CLSTN2: variants seen among roughly 807,000 people sequenced by gnomAD.
The protein encoded by CLSTN2 is calsyntenin-2.
In CLSTN2, 48 loss-of-function variants were observed where a neutral mutation model predicts 101.2. The observed-to-expected ratio is 0.47, with a 90% CI of 0.38 to 0.60. The LOEUF is 0.60. Ranked by LOEUF, CLSTN2 falls within the 20% of genes least tolerant of loss-of-function variation. The pLI is 0.00. For synonymous variants in CLSTN2, 481 were observed against 463.6 expected, an observed-to-expected ratio of 1.04 and a Z score of -0.48; for missense variants, 1,160 against 1,238.2, an observed-to-expected ratio of 0.94 and a Z score of 0.95.
intron 2 of CLSTN2, among the ~76,000 whole-genome samples, chr3:140,383,111 A>G (rs1871493): frequency 0.71 from 108,150 of 152,094 alleles, 38,585 homozygotes; most frequent in South Asian, 0.76. Flanking sequence ...CTCTGTGAGG[A>G]TAGTAAAATG....
At chr3:140,435,699 G>C (rs1186835448) in intron 5 of CLSTN2, among the ~76,000 whole-genome samples, 1 of 152,094 alleles carries the variant, frequency 6.6e-6, no homozygotes, top group Non-Finnish European at 1.5e-5. Flanking sequence ...GTGTACAAGG[G>C]TTCCCTTTTC....
intron 12 of CLSTN2, among the ~76,000 whole-genome samples, chr3:140,559,567 C>A (rs1196177431): frequency 5.7e-4 from 41 of 72,090 alleles, no homozygotes; most frequent in Admixed American, 5.4e-3. Flanking sequence ...GTCAGGGGGG[C>A]GGGGAAGGGA....
intron 11 of CLSTN2, among the ~76,000 whole-genome samples, chr3:140,558,117 A>T (rs1171888099): frequency 6.6e-6 from 1 of 152,192 alleles, no homozygotes; most frequent in Non-Finnish European, 1.5e-5. Context: ...TGCCTCCCAG[A>T]TAATTGTGTG....
In CLSTN2 at chr3:140,400,306, C is replaced by T. The variant is rs566786818; in HGVS notation, c.233-3323C>T. Among the ~76,000 whole-genome samples, 9 of 152,248 alleles carry T rather than the reference C, an allele frequency of 5.9e-5. No homozygotes were observed. In the East Asian group the frequency reaches 1.5e-3, roughly 26 times the overall value. Reference sequence around the variant, plus strand: ...GCTATATGCAAATGGGGCAGCAAGACGTGGTGGACATGCGTATTGCAGCCT... The same window carrying T: ...GCTATATGCAAATGGGGCAGCAAGATGTGGTGGACATGCGTATTGCAGCCT... On this transcript the variant is annotated intron_variant, in intron 2 of 16. Coordinates refer to ENST00000458420, the MANE Select transcript of CLSTN2 (RefSeq NM_022131.3).
chr3:140,133,275 G>A lies in CLSTN2; in HGVS notation c.110-42676G>A, dbSNP rs117336704. 6.6e-4 allele frequency among the ~76,000 whole-genome samples: 101 copies of A among 152,226 alleles called. No individual in the cohort carries two copies. The East Asian group carries it at 0.017, about 25-fold the overall frequency. On this transcript the variant is annotated intron_variant, in intron 1 of 16. Coordinates refer to ENST00000458420, the MANE Select transcript of CLSTN2 (RefSeq NM_022131.3). ...AGAGGGGACCAAGCCATTCGTGAGG[G>A]ATCCGCCTCCATGACCCAAACACCT...
intron 2 of CLSTN2, among the ~76,000 whole-genome samples, chr3:140,305,023 GAC>G (rs374893786): frequency 0.36 from 51,731 of 142,376 alleles, 9,563 homozygotes; most frequent in Non-Finnish European, 0.43. Context: ...CACACACAGA[GAC>G]ACACACACAC....
At chr3:140,472,702 C>CT (rs981511182) in intron 8 of CLSTN2, among the ~76,000 whole-genome samples, 2 of 150,376 alleles carry the variant, frequency 1.3e-5, no homozygotes, top group Non-Finnish European at 3.0e-5. Flanking sequence ...TCCAGAATGT[C>CT]TTTTTTTTCT....
intron 2 of CLSTN2, among the ~76,000 whole-genome samples, chr3:140,267,264 A>G (rs2086700958): frequency 6.6e-6 from 1 of 152,190 alleles, no homozygotes; most frequent in Non-Finnish European, 1.5e-5. Flanking sequence ...TTTCCTTAAA[A>G]AGCAGAATGA....
intron 2 of CLSTN2, among the ~76,000 whole-genome samples, chr3:140,395,682 A>G (rs994260925): frequency 1.3e-5 from 2 of 152,218 alleles, no homozygotes; most frequent in Admixed American, 6.5e-5. Flanking sequence ...TTATTTCTAC[A>G]TTCAGCCCTA....
intron 1 of CLSTN2, among the ~76,000 whole-genome samples, chr3:140,135,018 C>T (rs1349893160): frequency 6.7e-6 from 1 of 148,494 alleles, no homozygotes; most frequent in Non-Finnish European, 1.5e-5. Context: ...TATCTTCAAA[C>T]AAGATTTACC....
At chr3:140,245,173 G>T (rs4683816) in intron 2 of CLSTN2, among the ~76,000 whole-genome samples, 40,638 of 152,146 alleles carry the variant, frequency 0.27, 6,180 homozygotes, top group Non-Finnish European at 0.36. Flanking sequence ...TTTACACTCG[G>T]CTGTTATTCC....
At chr3:140,550,200 T>C (rs7629244) in intron 10 of CLSTN2, among the ~76,000 whole-genome samples, 3,035 of 151,710 alleles carry the variant, frequency 0.02, 173 homozygotes, top group African/African-American at 0.071. Flanking sequence ...TTTAGGTGTT[T>C]ACGTTTTTTT....
chr3:139,964,080 A>G (rs1020033665), intron 1 of CLSTN2, among the ~76,000 whole-genome samples: 45 of 152,200 alleles, frequency 3.0e-4, no homozygotes, highest in Admixed American at 6.5e-5. Context: ...TATTTCCTCT[A>G]GGAAAAAAAT....
At chr3:139,963,508 G>C (rs1935544488) in intron 1 of CLSTN2, among the ~76,000 whole-genome samples, 1 of 152,120 alleles carries the variant, frequency 6.6e-6, no homozygotes, top group Non-Finnish European at 1.5e-5. Flanking sequence ...ACCTTGGAGG[G>C]CCTGCATTTC....
At chr3:140,179,510 A>G (rs900437023) in intron 2 of CLSTN2, among the ~76,000 whole-genome samples, 9 of 149,178 alleles carry the variant, frequency 6.0e-5, no homozygotes, top group African/African-American at 2.0e-4. Flanking sequence ...GCACATACCT[A>G]TAGTTCCAGC....
At chr3:139,991,251 TC>T (rs1425858216) in intron 1 of CLSTN2, among the ~76,000 whole-genome samples, 1 of 152,238 alleles carries the variant, frequency 6.6e-6, no homozygotes, top group East Asian at 1.9e-4. Flanking sequence ...AACAACCGTA[TC>T]TATTAAATGC....
In CLSTN2 at chr3:140,567,965, G is replaced by T. The variant is rs1220368743; in HGVS notation, c.*1712G>T. ...TGAAGCTTTTCCCACCTCCTAAAGTGTTTTCTGCATCTGTTCCTTCCTTTG... is the reference window on the plus strand; with the variant it reads ...TGAAGCTTTTCCCACCTCCTAAAGTTTTTTCTGCATCTGTTCCTTCCTTTG... On this transcript the variant is annotated 3_prime_UTR_variant, in exon 17 of 17. Transcript: ENST00000458420. 6.6e-6 allele frequency: 1 copy of T among 152,194 alleles called. No individual in the cohort carries two copies. Among genetic ancestry groups the T allele is most frequent in the Non-Finnish European group, 1.5e-5 (1 of 68,042 alleles). The allele number at this position is 152,194 out of a possible 1,614,324, so 9.4% of individuals were successfully genotyped here. A position where few individuals can be genotyped will look rare whatever the true frequency, so the allele number is the denominator to read the frequency against.
chr3:140,480,280 A>AT (rs1031749884), intron 8 of CLSTN2, among the ~76,000 whole-genome samples: 12 of 152,052 alleles, frequency 7.9e-5, no homozygotes, highest in Admixed American at 6.6e-5. Context: ...TGAACTCATC[A>AT]TTTTTTATGG....
intron 2 of CLSTN2, among the ~76,000 whole-genome samples, chr3:140,294,036 T>C (rs2086980186): frequency 6.6e-6 from 1 of 152,200 alleles, no homozygotes; most frequent in Non-Finnish European, 1.5e-5. Flanking sequence ...CATTTACTCA[T>C]CTTCCAAAGG....
Sources: gnomAD v4.1 joint callset for allele counts (sites outside exome capture counted in the v4.1 genomes callset) on GRCh38, gnomAD v4.1.1 for gene constraint, MANE v1.5 for transcripts, NCBI Gene and HGNC (gene_info 2026-07-23, HGNC 2026-07-21) for gene names.